PALLD: variants seen among roughly 807,000 people sequenced by gnomAD.
The protein encoded by PALLD is palladin.
A neutral mutation model predicts 123.5 loss-of-function variants in PALLD; 61 were observed. The observed-to-expected ratio is 0.49, with a 90% confidence interval of 0.40 to 0.61. The LOEUF is 0.61. PALLD is among the 20% of genes least tolerant of loss of function. PALLD has a pLI of 0.00. For missense variants in PALLD, 1,273 were observed against 1,377.0 expected (o/e 0.92, Z 1.20); for synonymous variants, 465 against 496.4 (o/e 0.94, Z 0.84).
intron 10 of PALLD, among the ~76,000 whole-genome samples, chr4:168,744,372 C>A (rs973113862): frequency 6.6e-6 from 1 of 152,162 alleles, no homozygotes. Flanking sequence ...CTTCTCTGTA[C>A]CATGGTCAAT....
At chr4:168,653,033 C>T (rs954114681) in intron 2 of PALLD, among the ~76,000 whole-genome samples, 8 of 152,200 alleles carry the variant, frequency 5.3e-5, no homozygotes, top group Non-Finnish European at 8.8e-5. Context: ...CGTAGTCCCT[C>T]AAGGAATCAT....
rs780437938 is a variant in PALLD, at chr4:168,511,488, A to C, written c.-17A>C. The C allele has an allele frequency of 1.2e-6, 2 of 1,604,078 alleles. No individual in the cohort carries two copies. The highest frequency in any genetic ancestry group is 1.7e-6 in the Non-Finnish European group (2 of 1,171,172). ...CCTACTGAAAGCAGACACAGAGTGC[A>C]TGAAGACCGTTCAAATATGTCAGGG... On this transcript the variant is annotated 5_prime_UTR_variant, in exon 2 of 22. An upstream start codon of the reference 5' UTR is lost. Transcript: ENST00000505667.
In PALLD at chr4:168,926,907, A is replaced by ATGTT. The variant is rs1202659422; in HGVS notation, c.*729_*732dup. On this transcript the variant is annotated 3_prime_UTR_variant, in exon 22 of 22. Transcript: ENST00000505667. ...CCAAGTAAATGCCTTGTCTTTGCAA[A>ATGTT]TGTTTTTATATTAAATCATAAGGAA... 4.6e-6 allele frequency: 1 copy of ATGTT among 219,158 alleles called. No homozygotes were observed. Among genetic ancestry groups the ATGTT allele is most frequent in the East Asian group, 6.8e-5 (1 of 14,746 alleles). 13.6% of individuals were successfully genotyped at this position (219,158 alleles called of 1,614,324 possible). A position where few individuals can be genotyped will look rare whatever the true frequency, so the allele number is the denominator to read the frequency against.
intron 2 of PALLD, 125 bp from the exon 3 acceptor site, chr4:168,668,064 TG>T (rs1779826715): frequency 6.5e-6 from 5 of 772,242 alleles, no homozygotes; most frequent in Admixed American, 2.0e-5. Flanking sequence ...ACACTGACAT[TG>T]TTTTTTTTTT....
intron 2 of PALLD, among the ~76,000 whole-genome samples, chr4:168,607,738 A>G (rs1022543533): frequency 6.6e-6 from 1 of 151,908 alleles, no homozygotes; most frequent in African/African-American, 2.4e-5. Flanking sequence ...TTCCTCTATA[A>G]TGCTAATTAT....
chr4:168,511,328 A>C, intron 1 of PALLD, 95 bp from the exon 2 acceptor site: 1 of 599,184 alleles, frequency 1.7e-6, no homozygotes, highest in South Asian at 2.0e-5. Context: ...ATATTCATTC[A>C]CTTTAATGTT....
chr4:168,717,315 C>T (rs1310560269), intron 10 of PALLD, among the ~76,000 whole-genome samples: 1 of 152,008 alleles, frequency 6.6e-6, no homozygotes, highest in Admixed American at 6.6e-5. Flanking sequence ...GAGCAACCCC[C>T]ATTTGATCTG....
intron 10 of PALLD, among the ~76,000 whole-genome samples, chr4:168,817,652 G>A (rs532562286): frequency 6.6e-6 from 1 of 152,302 alleles, no homozygotes; most frequent in South Asian, 2.1e-4. Context: ...TGCAGTACGG[G>A]TGGAAGAGAA....
At chr4:168,640,327 A>G (rs1354805117) in intron 2 of PALLD, among the ~76,000 whole-genome samples, 5 of 152,112 alleles carry the variant, frequency 3.3e-5, no homozygotes, top group Non-Finnish European at 7.4e-5. Context: ...CTCTAATCCT[A>G]TTCTTCCACC....
At chr4:168,577,862 C>T (rs947377353) in intron 2 of PALLD, among the ~76,000 whole-genome samples, 1 of 150,968 alleles carries the variant, frequency 6.6e-6, no homozygotes, top group Non-Finnish European at 1.5e-5. Flanking sequence ...CAGCAATGGG[C>T]AGCAGAAGAG....
At chr4:168,727,389 T>A (rs188879919) in intron 10 of PALLD, among the ~76,000 whole-genome samples, 1 of 152,296 alleles carries the variant, frequency 6.6e-6, no homozygotes, top group African/African-American at 2.4e-5. Flanking sequence ...CCAGCATCTG[T>A]TGTTTTTTGA....
rs755942969 is a variant in PALLD, at chr4:168,658,284, G to GTTTT, written c.909-9906_909-9905insTTTT. On this transcript the variant is annotated intron_variant, in intron 2 of 21. Transcript: ENST00000505667. ...TTTTGTTGGTGGTGGGTTTTTATTTGGTTTTTTTTTTTTTTTTTGTGATGA... is the reference window on the plus strand; with the variant it reads ...TTTTGTTGGTGGTGGGTTTTTATTTGTTTTGTTTTTTTTTTTTTTTTTGTGATGA... Among the ~76,000 whole-genome samples, 62 of 120,734 alleles carry GTTTT rather than the reference G, an allele frequency of 5.1e-4. 2 individuals are homozygous for GTTTT. The highest frequency in any genetic ancestry group is 7.6e-4 in the African/African-American group (22 of 28,956). 79.2% of individuals were successfully genotyped at this position (120,734 alleles called of 152,430 possible).
intron 15 of PALLD, among the ~76,000 whole-genome samples, chr4:168,907,542 C>G (rs1016174870): frequency 6.6e-6 from 1 of 152,164 alleles, no homozygotes; most frequent in East Asian, 1.9e-4. Context: ...ACCCATAGCA[C>G]AGCTGACATC....
intron 2 of PALLD, among the ~76,000 whole-genome samples, chr4:168,545,487 C>A (rs1766053471): frequency 6.6e-6 from 1 of 151,934 alleles, no homozygotes; most frequent in Non-Finnish European, 1.5e-5. Context: ...CGAGATTGCA[C>A]CACTGCACTC....
intron 2 of PALLD, among the ~76,000 whole-genome samples, chr4:168,647,152 G>A (rs1445835977): frequency 2.6e-5 from 4 of 152,094 alleles, no homozygotes; most frequent in Non-Finnish European, 1.5e-5. Flanking sequence ...ACTATGAAAG[G>A]GATCAAACAT....
At chr4:168,877,805 C>G (rs920624716) in intron 10 of PALLD, 4 of 1,243,024 alleles carry the variant, frequency 3.2e-6, no homozygotes, top group Non-Finnish European at 3.0e-6. Context: ...GCCAGCCCCG[C>G]GCAGCGCGCC....
At position 168,787,501 on chromosome 4, in the gene PALLD, T is replaced by C. The variant is rs150449437; in HGVS notation, c.1964+75578T>C. Among the ~76,000 whole-genome samples the C allele has an allele frequency of 6.3e-3, 957 of 152,352 alleles. 6 individuals are homozygous for C. The highest frequency in any genetic ancestry group is 0.034 in the Middle Eastern group (10 of 294). On this transcript the variant is annotated intron_variant, in intron 10 of 21. Transcript: ENST00000505667. ...GTCAGCACAGTAGCCACTAACCACA[T>C]GTGGCTATTTAAATTTAAGTAAAAA...
chr4:168,913,117 G>A (rs1378201120), intron 15 of PALLD, among the ~76,000 whole-genome samples: 1 of 148,376 alleles, frequency 6.7e-6, no homozygotes, highest in African/African-American at 2.5e-5. Flanking sequence ...TGTATGGTTT[G>A]GGGAAGGGAT....
At chr4:168,921,978 AT>A (rs1324955359) in intron 18 of PALLD, among the ~76,000 whole-genome samples, 1 of 152,050 alleles carries the variant, frequency 6.6e-6, no homozygotes, top group Admixed American at 6.6e-5. Flanking sequence ...CTTTTGGGTC[AT>A]TCGACCTCCT....
Sources: allele counts gnomAD v4.1 joint callset (sites outside exome capture counted in the v4.1 genomes callset), GRCh38; gene constraint gnomAD v4.1.1; transcripts MANE v1.5; gene names NCBI Gene and HGNC (gene_info 2026-07-23, HGNC 2026-07-21).